TAFA2: variants seen among roughly 807,000 people sequenced by gnomAD.
The protein encoded by TAFA2 is TAFA chemokine like family member 2.
Under a neutral mutation model 18.8 loss-of-function variants are expected in TAFA2, and 7 were observed. The observed-to-expected ratio is 0.37, with a 90% confidence interval of 0.21 to 0.70. TAFA2 has a LOEUF of 0.70. Ranked by LOEUF, TAFA2 falls within the 30% of genes least tolerant of loss-of-function variation. The pLI is 0.53. For synonymous variants in TAFA2, 60 were observed against 54.2 expected, an observed-to-expected ratio of 1.11 and a Z score of -0.47; for missense variants, 122 against 158.1, an observed-to-expected ratio of 0.77 and a Z score of 1.23.
intron 1 of TAFA2, among the ~76,000 whole-genome samples, chr12:62,110,806 AGTTTATATTGCTGTGG>A (rs1465463994): frequency 6.6e-6 from 1 of 151,936 alleles, no homozygotes; most frequent in Non-Finnish European, 1.5e-5. Flanking sequence ...CTCTGGTGGT[AGTTTATATTGCTGTGG>A]GATCAGCAGT....
chr12:61,985,501 G>A (rs1285336293), intron 1 of TAFA2, among the ~76,000 whole-genome samples: 1 of 152,180 alleles, frequency 6.6e-6, no homozygotes. Context: ...TCAAGTCTCA[G>A]TGGAAATTAT....
chr12:61,909,532 C>G (rs551504086), intron 1 of TAFA2, among the ~76,000 whole-genome samples: 1 of 152,172 alleles, frequency 6.6e-6, no homozygotes, highest in East Asian at 1.9e-4. Flanking sequence ...TAAGGAGAAG[C>G]AAAGGAAAAG....
rs1408043259 is a variant in TAFA2, at chr12:62,192,119, C to T, written c.-862G>A. On this transcript the variant is annotated 5_prime_UTR_variant, in exon 1 of 5. Coordinates refer to ENST00000416284, the MANE Select transcript of TAFA2 (RefSeq NM_178539.5). ...CTCGCAGATAGGTCCCCGCTGGTGC[C>T]CTCGCGGAGACTTGGCGCCTTCCAC... 1 of 152,530 alleles carries T rather than the reference C, an allele frequency of 6.6e-6. No individual in the cohort carries two copies. The highest frequency in any genetic ancestry group is 1.5e-5 in the Non-Finnish European group (1 of 68,364). The allele number at this position is 152,530 out of a possible 1,614,324, so 9.4% of individuals were successfully genotyped here.
intron 2 of TAFA2, among the ~76,000 whole-genome samples, chr12:61,838,980 AC>A (rs1200545664): frequency 6.6e-6 from 1 of 152,038 alleles, no homozygotes; most frequent in African/African-American, 2.4e-5. Flanking sequence ...AGGTTGAGAA[AC>A]CCTGCCTTAG....
chr12:62,207,593 C>T (rs75266289), intron 1 of TAFA2, among the ~76,000 whole-genome samples: 3,869 of 152,236 alleles, frequency 0.025, 169 homozygotes, highest in African/African-American at 0.087. Flanking sequence ...TAGCTGCTTC[C>T]ATGAACTTTT....
At chr12:62,119,793 G>T (rs1312769664) in intron 1 of TAFA2, among the ~76,000 whole-genome samples, 1 of 152,064 alleles carries the variant, frequency 6.6e-6, no homozygotes, top group Non-Finnish European at 1.5e-5. Flanking sequence ...AAAGGGTTTG[G>T]CCGGGCACGG....
At chr12:62,227,260 T>G (rs923683763) in intron 1 of TAFA2, among the ~76,000 whole-genome samples, 2 of 152,162 alleles carry the variant, frequency 1.3e-5, no homozygotes, top group East Asian at 3.9e-4. Context: ...TATTTATCTC[T>G]CAAGACAGAA....
intron 2 of TAFA2, among the ~76,000 whole-genome samples, chr12:61,847,963 T>G (rs1213094698): frequency 2.6e-5 from 4 of 152,264 alleles, no homozygotes; most frequent in Non-Finnish European, 5.9e-5. Context: ...CAGTTTTATC[T>G]ACAGTTGATT....
At chr12:61,929,718 C>T (rs1035129733) in intron 1 of TAFA2, among the ~76,000 whole-genome samples, 27 of 151,846 alleles carry the variant, frequency 1.8e-4, no homozygotes, top group African/African-American at 2.9e-4. Context: ...ATGTTTATTG[C>T]GGCACTATTC....
chr12:62,138,606 A>T (rs1176511809), intron 1 of TAFA2, among the ~76,000 whole-genome samples: 15 of 152,216 alleles, frequency 9.9e-5, no homozygotes, highest in Admixed American at 9.8e-4. Context: ...CCAACAGAAC[A>T]CACTGAACTG....
At chr12:62,182,001 CT>C (rs988461546) in intron 1 of TAFA2, among the ~76,000 whole-genome samples, 8 of 149,172 alleles carry the variant, frequency 5.4e-5, no homozygotes, top group African/African-American at 2.0e-4. Flanking sequence ...CCCCCCCCCG[CT>C]ACACATAGTA....
chr12:62,006,988 G>A (rs182068921), intron 1 of TAFA2, among the ~76,000 whole-genome samples: 1 of 152,108 alleles, frequency 6.6e-6, no homozygotes, highest in East Asian at 1.9e-4. Flanking sequence ...CTTTTTATGA[G>A]GTGTTAAGAA....
intron 1 of TAFA2, among the ~76,000 whole-genome samples, chr12:61,980,277 T>C (rs957477193): frequency 8.5e-5 from 13 of 152,072 alleles, no homozygotes; most frequent in Non-Finnish European, 1.6e-4. Context: ...AAACTCTCAA[T>C]AAACTAGGTA....
At chr12:61,861,181 G>A (rs1163100022) in intron 2 of TAFA2, among the ~76,000 whole-genome samples, 1 of 151,554 alleles carries the variant, frequency 6.6e-6, no homozygotes, top group Non-Finnish European at 1.5e-5. Context: ...TGAAATCCTG[G>A]CCTTAAGTGA....
intron 1 of TAFA2, among the ~76,000 whole-genome samples, chr12:62,182,346 T>A (rs1381319187): frequency 6.6e-6 from 1 of 152,248 alleles, no homozygotes; most frequent in Middle Eastern, 3.4e-3. Flanking sequence ...ATGAGAAAAA[T>A]GTTTGGAGTC....
chr12:62,124,056 C>G (rs1217588207), intron 1 of TAFA2, among the ~76,000 whole-genome samples: 1 of 152,032 alleles, frequency 6.6e-6, no homozygotes, highest in African/African-American at 2.4e-5. Context: ...GTAACAATAA[C>G]TCAAGACAAG....
At chr12:62,245,732 A>G (rs2062882265) in intron 1 of TAFA2, among the ~76,000 whole-genome samples, 1 of 140,772 alleles carries the variant, frequency 7.1e-6, no homozygotes, top group African/African-American at 2.7e-5. Context: ...TAATACATAT[A>G]GATACATATA....
intron 2 of TAFA2, among the ~76,000 whole-genome samples, chr12:61,764,466 G>C (rs1439759259): frequency 1.3e-5 from 2 of 152,018 alleles, no homozygotes; most frequent in Non-Finnish European, 2.9e-5. Flanking sequence ...GGGAGAAAGA[G>C]TGTTGAAAAG....
chr12:62,001,663 C>T (rs1025741788), intron 1 of TAFA2, among the ~76,000 whole-genome samples: 10 of 152,028 alleles, frequency 6.6e-5, no homozygotes, highest in South Asian at 4.2e-4. Context: ...AAAATACAGA[C>T]GAAGCTTCAC....
Sources: allele counts gnomAD v4.1 joint callset (sites outside exome capture counted in the v4.1 genomes callset), GRCh38; gene constraint gnomAD v4.1.1; transcripts MANE v1.5; gene names NCBI Gene and HGNC (gene_info 2026-07-23, HGNC 2026-07-21).